The following FBXO15 variants were observed in gnomAD, a reference collection of about 807,000 sequenced individuals.
FBXO15 encodes the protein F-box only protein 15.
In FBXO15, 30 loss-of-function variants were observed where a neutral mutation model predicts 49.5. The observed-to-expected ratio is 0.61, with a 90% CI of 0.45 to 0.82. The LOEUF (loss-of-function observed/expected upper bound fraction) is 0.82, where lower values mean the gene tolerates loss of function less well. FBXO15 is among the 40% of genes least tolerant of loss of function. The probability of loss-of-function intolerance (pLI) is 0.00; values close to 1 mark genes in which losing one functional copy is unlikely to be tolerated. For synonymous variants in FBXO15, 250 were observed against 232.7 expected (o/e 1.07, Z -0.68); for missense variants, 591 against 631.5 (o/e 0.94, Z 0.69).
In FBXO15 at chr18:74,084,381, G is replaced by A. The variant is rs140294197; in HGVS notation, c.1139-2330C>T. ...CTGGAGTCGGAAATGAGCATGAGAG[G>A]AGGAAGAGAACGGGAAGAGCCATCT... On this transcript the variant is annotated intron_variant, in intron 8 of 9. Transcript: ENST00000419743. Among the ~76,000 whole-genome samples, 383 of 152,346 alleles carry A rather than the reference G, an allele frequency of 2.5e-3. 2 individuals carry two copies. The highest frequency in any genetic ancestry group is 6.0e-3 in the South Asian group (29 of 4,824).
intron 2 of FBXO15, among the ~76,000 whole-genome samples, chr18:74,138,040 T>C (rs139848568): frequency 1.3e-5 from 2 of 152,112 alleles, no homozygotes; most frequent in Non-Finnish European, 2.9e-5. Context: ...CAGCCTCCGG[T>C]TCCTGCCTCC....
intron 9 of FBXO15, among the ~76,000 whole-genome samples, chr18:74,079,809 CA>C (rs1397748877): frequency 1.1e-4 from 17 of 152,174 alleles, no homozygotes; most frequent in South Asian, 2.1e-4. Flanking sequence ...CGGAGATTCT[CA>C]TGGGAACAGC....
In FBXO15 at chr18:74,075,712, T is replaced by A. The variant is rs926096599; in HGVS notation, c.1264-1982A>T. Among the ~76,000 whole-genome samples, 10 of 152,198 alleles carry A rather than the reference T, an allele frequency of 6.6e-5. No individual in the cohort carries two copies. The highest frequency in any genetic ancestry group is 2.2e-4 in the African/African-American group (9 of 41,448). The stretch of plus-strand genomic sequence containing the variant: ...GTCTGCTTCTCAGCAGTGTTTAGTT[T>A]TTCAAGAGAACAGTGAAGAGTAATT... On this transcript the variant is annotated intron_variant, in intron 9 of 9. Coordinates refer to ENST00000419743, the MANE Select transcript of FBXO15 (RefSeq NM_001142958.2). The surrounding 1 kb of genome is among the most constrained non-coding windows in gnomAD (Gnocchi z 4.1).
chr18:74,086,653 G>A (rs570878939), intron 8 of FBXO15, among the ~76,000 whole-genome samples: 141 of 152,168 alleles, frequency 9.3e-4, no homozygotes, highest in African/African-American at 3.2e-3. Flanking sequence ...CTCATGATCC[G>A]CCCACCTCAG....
intron 6 of FBXO15, among the ~76,000 whole-genome samples, chr18:74,125,503 T>C (rs1291474239): frequency 6.6e-6 from 1 of 152,136 alleles, no homozygotes; most frequent in Non-Finnish European, 1.5e-5. Flanking sequence ...AAGGATAACA[T>C]CGTAGACAGC....
chr18:74,103,601 A>G (rs1309314784), intron 8 of FBXO15, among the ~76,000 whole-genome samples: 1 of 152,164 alleles, frequency 6.6e-6, no homozygotes, highest in African/African-American at 2.4e-5. Flanking sequence ...TCAAGCACAA[A>G]GAGAGGATCC....
intron 8 of FBXO15, among the ~76,000 whole-genome samples, chr18:74,088,687 C>T (rs1409151206): frequency 1.3e-5 from 2 of 152,162 alleles, no homozygotes; most frequent in South Asian, 2.1e-4. Context: ...ACTATTTGGG[C>T]TCTTTTTTTG....
intron 8 of FBXO15, among the ~76,000 whole-genome samples, chr18:74,107,591 T>TA (rs1042009690): frequency 4.6e-5 from 7 of 151,298 alleles, no homozygotes; most frequent in Non-Finnish European, 7.4e-5. Flanking sequence ...GCAACCAGTA[T>TA]AAAAAAAAGG....
chr18:74,146,028 T>A (rs1979391142), intron 1 of FBXO15, among the ~76,000 whole-genome samples: 1 of 152,256 alleles, frequency 6.6e-6, no homozygotes, highest in Admixed American at 6.5e-5. Flanking sequence ...TAAATTTAGT[T>A]TGAAAACACT....
At chr18:74,140,122 GTA>G (rs1240052337) in intron 2 of FBXO15, 78 bp downstream of exon 2, 2 of 1,181,016 alleles carry the variant, frequency 1.7e-6, no homozygotes, top group Non-Finnish European at 2.4e-6. Context: ...TAGCAACTTG[GTA>G]TATACAGCAT....
chr18:74,083,478 G>T (rs1214086775), intron 8 of FBXO15, among the ~76,000 whole-genome samples: 2 of 152,214 alleles, frequency 1.3e-5, no homozygotes, highest in Non-Finnish European at 2.9e-5. Flanking sequence ...ACCAAGGGAG[G>T]CCTCTGACTG....
chr18:74,123,225 G>A, intron 8 of FBXO15, 143 bp downstream of exon 8: 1 of 851,976 alleles, frequency 1.2e-6, no homozygotes, highest in Non-Finnish European at 1.8e-6. Context: ...CAAGCCCTGG[G>A]ATGACACACG....
chr18:74,121,356 G>A (rs1914459691), intron 8 of FBXO15, among the ~76,000 whole-genome samples: 3 of 152,154 alleles, frequency 2.0e-5, no homozygotes, highest in African/African-American at 7.2e-5. Context: ...TAAAACGAAA[G>A]AGAAGTAACA....
At chr18:74,093,198 T>C (rs574377583) in intron 8 of FBXO15, among the ~76,000 whole-genome samples, 147 of 127,646 alleles carry the variant, frequency 1.2e-3, no homozygotes, top group Non-Finnish European at 3.0e-4. Flanking sequence ...GGAGTGCACA[T>C]ACACCCACAT....
intron 5 of FBXO15, among the ~76,000 whole-genome samples, chr18:74,128,128 A>G (rs923388563): frequency 3.3e-5 from 5 of 152,332 alleles, no homozygotes; most frequent in Admixed American, 2.0e-4. Flanking sequence ...ATCTTCAGTA[A>G]TATATTTAGG....
At chr18:74,129,371 C>G (rs756739330) in intron 5 of FBXO15, 34 bp downstream of exon 5, 4 of 1,560,038 alleles carry the variant, frequency 2.6e-6, no homozygotes, top group Admixed American at 3.5e-5. Flanking sequence ...ATATAAGATG[C>G]TCTCACTCAA....
At chr18:74,133,795 G>A (rs879597873) in intron 3 of FBXO15, among the ~76,000 whole-genome samples, 1 of 152,154 alleles carries the variant, frequency 6.6e-6, no homozygotes, top group Admixed American at 6.5e-5. Context: ...AATAGAGTGA[G>A]TGAGCAAGAG....
chr18:74,087,398 C>G (rs940930852), intron 8 of FBXO15, among the ~76,000 whole-genome samples: 2 of 152,194 alleles, frequency 1.3e-5, no homozygotes, highest in African/African-American at 4.8e-5. Context: ...ACCCTCCACC[C>G]TCAAGTAGGA....
chr18:74,107,513 T>C (rs1913822768), intron 8 of FBXO15, among the ~76,000 whole-genome samples: 1 of 152,096 alleles, frequency 6.6e-6, no homozygotes, highest in Non-Finnish European at 1.5e-5. Context: ...CAAACCACTG[T>C]CCCAAAATTG....
Sources: gnomAD v4.1 joint callset for allele counts (sites outside exome capture counted in the v4.1 genomes callset) on GRCh38, gnomAD v4.1.1 for gene constraint, Gnocchi (gnomAD v3.1) non-coding constraint, MANE v1.5 for transcripts, NCBI Gene and HGNC (gene_info 2026-07-23, HGNC 2026-07-21) for gene names.